The following TMPRSS7 variants were observed in gnomAD, a reference collection of about 807,000 sequenced individuals.
TMPRSS7 encodes the protein transmembrane protease serine 7.
TMPRSS7 carries 81 observed loss-of-function variants against 95.6 expected under a neutral mutation model. The ratio of observed to expected loss-of-function variants is 0.85; its 90% CI spans 0.71 to 1.02. The LOEUF is 1.02. Ranked by LOEUF, TMPRSS7 falls within the 50% of genes least tolerant of loss-of-function variation. The probability of loss-of-function intolerance (pLI) is 0.00; values close to 1 mark genes in which losing one functional copy is unlikely to be tolerated. For synonymous variants in TMPRSS7, 364 were observed against 337.8 expected (o/e 1.08, Z -0.85); for missense variants, 945 against 955.2 (o/e 0.99, Z 0.14).
intron 12 of TMPRSS7, among the ~76,000 whole-genome samples, chr3:112,065,279 C>A (rs1047494332): frequency 1.2e-4 from 19 of 152,110 alleles, no homozygotes; most frequent in African/African-American, 4.6e-4. Flanking sequence ...TGACCTCAAG[C>A]CGTCCTCCTA....
At chr3:112,054,728 G>GTTTTTTTTT (rs1357112428) in intron 9 of TMPRSS7, among the ~76,000 whole-genome samples, 1 of 37,616 alleles carries the variant, frequency 2.7e-5, no homozygotes, top group Non-Finnish European at 6.3e-5. Flanking sequence ...CTCTCAGTTT[G>GTTTTTTTTT]CTTTTTTTTT....
rs554445209 is a variant in TMPRSS7 at position 112,052,904 on chromosome 3, TG to T, written c.1203+2126del. On this transcript the variant is annotated intron_variant, in intron 9 of 17. Transcript: ENST00000452346. ...GATCATTTACTGTTTTGCTAGGGGT[TG>T]GGGGTGAGAAATGCTGAAGAAAAAA... Among the ~76,000 whole-genome samples the T allele has an allele frequency of 1.7e-4, 26 of 148,824 alleles. No homozygotes were observed. The South Asian group carries it at 5.2e-3, about 30-fold the overall frequency.
At chr3:112,076,851 T>C (rs747140637) in intron 15 of TMPRSS7, 25 bp from the exon 16 acceptor site, 1 of 1,606,542 alleles carries the variant, frequency 6.2e-7, no homozygotes, top group Non-Finnish European at 8.5e-7. Flanking sequence ...GCTGCTAACT[T>C]TATGTTTCAT....
chr3:112,074,019 G>T (rs534352569), intron 13 of TMPRSS7, among the ~76,000 whole-genome samples: 1 of 152,192 alleles, frequency 6.6e-6, no homozygotes, highest in Non-Finnish European at 1.5e-5. Flanking sequence ...CTGATATGTC[G>T]CACTTCTTCA....
intron 10 of TMPRSS7, among the ~76,000 whole-genome samples, chr3:112,057,526 T>C (rs1422137246): frequency 6.6e-6 from 1 of 152,176 alleles, no homozygotes; most frequent in Non-Finnish European, 1.5e-5. Context: ...GGCTGGATCC[T>C]GAGACTGGGA....
Position 112,054,896 on chromosome 3 carries a change from A to C in TMPRSS7, c.1204-2129A>C, listed in dbSNP as rs577130527. Reference sequence around the variant, plus strand: ...GTGGGACTACAGGCGCCCGCCACCAAGTCCAGCTAATTTTTTCTATTTTTA... The same window carrying C: ...GTGGGACTACAGGCGCCCGCCACCACGTCCAGCTAATTTTTTCTATTTTTA... On this transcript the variant is annotated intron_variant, in intron 9 of 17. Coordinates refer to ENST00000452346, the Ensembl canonical transcript of TMPRSS7. 7.9e-3 allele frequency among the ~76,000 whole-genome samples: 1,195 copies of C among 151,406 alleles called. 17 individuals carry two copies. Among genetic ancestry groups the C allele is most frequent in the African/African-American group, 0.027 (1,133 of 41,316 alleles).
At chr3:112,050,739 C>T in exon 9 of TMPRSS7, 2 of 1,604,038 alleles carry the variant, frequency 1.2e-6, no homozygotes, top group Non-Finnish European at 1.7e-6. Flanking sequence ...CCCATATTAC[C>T]CGAGCTACTA....
chr3:112,066,322 C>A, intron 12 of TMPRSS7, 70 bp from the exon 13 acceptor site: 2 of 1,348,624 alleles, frequency 1.5e-6, no homozygotes, highest in Non-Finnish European at 2.1e-6. Flanking sequence ...GAGACTGGCA[C>A]TGCTGATCAT....
At position 112,036,441 on chromosome 3, in the gene TMPRSS7, G is replaced by A. The variant is rs575262969; in HGVS notation, c.48+1548G>A. ...GAATTAGCCAGGTGTGGTGGTGAGTGCCTGTAATCCCAGCTACTTGGGATG... is the reference window on the plus strand; with the variant it reads ...GAATTAGCCAGGTGTGGTGGTGAGTACCTGTAATCCCAGCTACTTGGGATG... On this transcript the variant is annotated intron_variant, in intron 1 of 17. Coordinates refer to ENST00000452346, the Ensembl canonical transcript of TMPRSS7. Among the ~76,000 whole-genome samples, 4 of 152,200 alleles carry A rather than the reference G, an allele frequency of 2.6e-5. No homozygotes were observed. The South Asian group carries it at 8.3e-4, about 32-fold the overall frequency.
At chr3:112,043,317 TCTTATGG>T (rs1353256015) in intron 3 of TMPRSS7, among the ~76,000 whole-genome samples, 1 of 152,184 alleles carries the variant, frequency 6.6e-6, no homozygotes, top group Non-Finnish European at 1.5e-5. Flanking sequence ...TCCATCATAA[TCTTATGG>T]GACTACTGTC....
chr3:112,061,771 A>C lies in TMPRSS7; in HGVS notation c.1311-16A>C. 2 of 1,590,102 alleles carry C rather than the reference A, an allele frequency of 1.3e-6. No homozygotes were observed. On this transcript the variant is annotated splice_polypyrimidine_tract_variant and intron_variant, in intron 10 of 17. Coordinates refer to ENST00000452346, the Ensembl canonical transcript of TMPRSS7. ...AACCTCAAGCTGTGTATTCTCCCCGACTCTTGTCTCCCCAGGTACTGTGGC... is the reference window on the plus strand; with the variant it reads ...AACCTCAAGCTGTGTATTCTCCCCGCCTCTTGTCTCCCCAGGTACTGTGGC...
chr3:112,054,650 T>C (rs983853170), intron 9 of TMPRSS7, among the ~76,000 whole-genome samples: 2 of 150,904 alleles, frequency 1.3e-5, no homozygotes, highest in Non-Finnish European at 2.9e-5. Flanking sequence ...GAGCTTCTTG[T>C]AGAAGATTGC....
chr3:112,077,039 AC>A lies in TMPRSS7; in HGVS notation c.2122del (p.Leu708Ter). ...ACAGCTCAGTATTGCCTGGCCTGAG[AC>A]CCTGAAACAGCTCATTCAGCCAATA... On this transcript the variant is annotated frameshift_variant, in exon 16 of 18. Transcript: ENST00000452346. LOFTEE classifies it high-confidence loss of function. The A allele has an allele frequency of 6.2e-7, 1 of 1,614,178 alleles. No homozygotes were observed. The highest frequency in any genetic ancestry group is 2.2e-5 in the East Asian group (1 of 44,884).
At chr3:112,070,729 C>T (rs1352277798) in intron 13 of TMPRSS7, among the ~76,000 whole-genome samples, 1 of 152,148 alleles carries the variant, frequency 6.6e-6, no homozygotes, top group Non-Finnish European at 1.5e-5. Flanking sequence ...TGTCTCTGTA[C>T]ATGAGATGGG....
intron 17 of TMPRSS7, 137 bp downstream of exon 17, chr3:112,079,015 T>C (rs1297224179): frequency 2.0e-6 from 2 of 994,674 alleles, no homozygotes; most frequent in Non-Finnish European, 1.4e-6. Flanking sequence ...ATATTATTTA[T>C]CATCCAATTG....
At chr3:112,069,083 C>G (rs1389798775) in intron 13 of TMPRSS7, among the ~76,000 whole-genome samples, 7 of 152,216 alleles carry the variant, frequency 4.6e-5, no homozygotes, top group African/African-American at 1.7e-4. Flanking sequence ...GAGATAATCA[C>G]GTGGTTTTTG....
chr3:112,034,885 G>C (rs1188200969), exon 1 of TMPRSS7: 1 of 702,800 alleles, frequency 1.4e-6, no homozygotes. Context: ...CGCACCTGCT[G>C]ACCTGAAAGT....
chr3:112,053,198 CGAT>C (rs1223750543), intron 9 of TMPRSS7, among the ~76,000 whole-genome samples: 1 of 144,392 alleles, frequency 6.9e-6, no homozygotes, highest in Non-Finnish European at 1.5e-5. Context: ...AAAAAAAACT[CGAT>C]GACTTAAGTA....
intron 16 of TMPRSS7, 33 bp from the exon 17 acceptor site, chr3:112,078,709 T>C (rs1359471028): frequency 6.2e-7 from 1 of 1,613,360 alleles, no homozygotes; most frequent in South Asian, 1.1e-5. Context: ...CCATTACCAC[T>C]AACATCATTT....
Sources: gnomAD v4.1 joint callset for allele counts (sites outside exome capture counted in the v4.1 genomes callset) on GRCh38, gnomAD v4.1.1 for gene constraint, MANE v1.5 for transcripts, NCBI Gene and HGNC (gene_info 2026-07-23, HGNC 2026-07-21) for gene names.